ZFC3H1: variants seen among roughly 807,000 people sequenced by gnomAD.
The protein encoded by ZFC3H1 is zinc finger C3H1-type containing, also known as zinc finger C3H1 domain-containing protein.
In ZFC3H1, 71 loss-of-function variants were observed where a neutral mutation model predicts 243.7. The observed-to-expected ratio is 0.29, with a 90% confidence interval of 0.24 to 0.36. The LOEUF is 0.36. ZFC3H1 is among the 10% of genes least tolerant of loss of function. The pLI is 1.00. For missense variants in ZFC3H1, 1,966 were observed against 2,317.1 expected (o/e 0.85, Z 3.11); for synonymous variants, 838 against 813.0 (o/e 1.03, Z -0.52).
intron 1 of ZFC3H1, among the ~76,000 whole-genome samples, chr12:71,658,198 G>A (rs1343227477): frequency 6.7e-6 from 1 of 150,312 alleles, no homozygotes; most frequent in Non-Finnish European, 1.5e-5. Flanking sequence ...TCATACACGA[G>A]AATTGTTATA....
intron 6 of ZFC3H1, chr12:71,639,210 C>T (rs978308222): frequency 6.5e-6 from 1 of 152,934 alleles, no homozygotes; most frequent in Non-Finnish European, 1.5e-5. Context: ...CTACCCTACC[C>T]ACTAACTATA....
intron 20 of ZFC3H1, 46 bp downstream of exon 20, chr12:71,628,872 C>T: frequency 2.6e-6 from 4 of 1,533,740 alleles, no homozygotes; most frequent in Non-Finnish European, 3.5e-6. Flanking sequence ...AAAGATGGAA[C>T]ACCACAATTT....
chr12:71,663,830 C>A lies in ZFC3H1; in HGVS notation c.-220G>T. 1 of 586,986 alleles carries A rather than the reference C, an allele frequency of 1.7e-6. No homozygotes were observed. Among genetic ancestry groups the A allele is most frequent in the Non-Finnish European group, 3.0e-6 (1 of 334,494 alleles). 36.4% of individuals were successfully genotyped at this position (586,986 alleles called of 1,614,324 possible). ...TTCCCTTTCCTAGCGCCCCCTTGCT[C>A]CTCAGCGATCGGGGTTCTTCCGCCT... On this transcript the variant is annotated 5_prime_UTR_variant, in exon 1 of 35. Coordinates refer to ENST00000378743, the MANE Select transcript of ZFC3H1 (RefSeq NM_144982.5).
At chr12:71,631,590 A>T (rs1196186259) in intron 16 of ZFC3H1, among the ~76,000 whole-genome samples, 188 bp downstream of exon 16, 1 of 152,174 alleles carries the variant, frequency 6.6e-6, no homozygotes, top group Non-Finnish European at 1.5e-5. Flanking sequence ...ATACGAACTG[A>T]TAAATCCAAG....
intron 26 of ZFC3H1, 27 bp from the exon 27 acceptor site, chr12:71,619,436 T>C (rs1274310325): frequency 1.3e-6 from 2 of 1,592,618 alleles, no homozygotes; most frequent in Non-Finnish European, 1.7e-6. Context: ...GAGGGGGATA[T>C]ATATCAGGCT....
intron 26 of ZFC3H1, 131 bp from the exon 27 acceptor site, chr12:71,619,540 G>A (rs1879974180): frequency 6.5e-6 from 5 of 764,436 alleles, no homozygotes. Flanking sequence ...GGGCGGAGGG[G>A]ATAAGTTTGA....
chr12:71,615,690 G>C (rs1053033025), intron 27 of ZFC3H1, among the ~76,000 whole-genome samples: 1 of 151,950 alleles, frequency 6.6e-6, no homozygotes, highest in African/African-American at 2.4e-5. Context: ...GCTAATTTTT[G>C]TATTTGTAAT....
rs1254693882 is a variant in ZFC3H1, at chr12:71,637,014, A to G, written c.1771T>C (p.Ser591Pro). ...GGTAGAGGAGGTAGAGGTTCAAGAG[A>G]AACACACAAGCCTTCCACATAAGGC... ...SQPYVEGLCV[S>P]LEPLPPLPPL... is the part of the protein sequence containing the mutation. Residue 591 changes from serine (S) to proline (P), a missense_variant, in exon 8 of 35, where the codon TCT becomes CCT. Ser to Pro is a moderately conservative substitution (Grantham distance 74). Coordinates refer to ENST00000378743, the MANE Select transcript of ZFC3H1 (RefSeq NM_144982.5). 1 of 1,613,916 alleles carries G rather than the reference A, an allele frequency of 6.2e-7. No homozygotes were observed. Among genetic ancestry groups the G allele is most frequent in the African/African-American group, 1.3e-5 (1 of 74,894 alleles).
chr12:71,614,220 T>G (rs1592582184), intron 30 of ZFC3H1, among the ~76,000 whole-genome samples: 1 of 148,332 alleles, frequency 6.7e-6, no homozygotes, highest in East Asian at 1.9e-4. Context: ...ACATTACAGG[T>G]ATTACAATAG....
intron 2 of ZFC3H1, among the ~76,000 whole-genome samples, chr12:71,650,504 C>T (rs1880856681): frequency 1.3e-5 from 2 of 152,006 alleles, no homozygotes; most frequent in Admixed American, 6.5e-5. Flanking sequence ...AACTGAAAGT[C>T]TAATGTGAGC....
chr12:71,621,408 A>T (rs1195473998), intron 24 of ZFC3H1, among the ~76,000 whole-genome samples: 2 of 151,822 alleles, frequency 1.3e-5, no homozygotes, highest in Non-Finnish European at 2.9e-5. Flanking sequence ...GGTTCAGGCA[A>T]TTATCCTGCC....
At chr12:71,614,228 T>C (rs1003199950) in intron 30 of ZFC3H1, among the ~76,000 whole-genome samples, 1 of 152,168 alleles carries the variant, frequency 6.6e-6, no homozygotes, top group Admixed American at 6.5e-5. Context: ...GGTATTACAA[T>C]AGAATCTTTC....
intron 9 of ZFC3H1, among the ~76,000 whole-genome samples, chr12:71,636,171 A>T (rs2137539310): frequency 6.6e-6 from 1 of 152,242 alleles, no homozygotes; most frequent in Non-Finnish European, 1.5e-5. Flanking sequence ...TAAAATTTTG[A>T]CTCCAAAAAG....
At chr12:71,631,603 T>G (rs2137534572) in intron 16 of ZFC3H1, among the ~76,000 whole-genome samples, 175 bp downstream of exon 16, 1 of 152,004 alleles carries the variant, frequency 6.6e-6, no homozygotes, top group South Asian at 2.1e-4. Context: ...AATCCAAGAG[T>G]GTGGTTTGAG....
At chr12:71,613,567 T>A in intron 30 of ZFC3H1, 132 bp from the exon 31 acceptor site, 1 of 543,246 alleles carries the variant, frequency 1.8e-6, no homozygotes, top group Non-Finnish European at 3.2e-6. Flanking sequence ...TATGATGTTG[T>A]GAGTTACAGT....
In ZFC3H1 at chr12:71,620,117, C is replaced by T. The variant is rs1592585168; in HGVS notation, c.4858G>A (p.Ala1620Thr). The T allele has an allele frequency of 3.7e-6, 6 of 1,608,614 alleles. No individual in the cohort carries two copies. Among genetic ancestry groups the T allele is most frequent in the Non-Finnish European group, 5.1e-6 (6 of 1,178,496 alleles). Residue 1620 changes from alanine to threonine, a missense_variant, in exon 26 of 35, where the codon GCT becomes ACT. Coordinates refer to ENST00000378743, the MANE Select transcript of ZFC3H1 (RefSeq NM_144982.5). ...ALHQLLERYEAAMELCKSLLE... is the reference protein window; with the variant it reads ...ALHQLLERYETAMELCKSLLE... ...AAAGATTTACAAAGCTCCATTGCAGCCTCATACCTTAACAAAAAAGAAAAA... is the reference window on the plus strand; with the variant it reads ...AAAGATTTACAAAGCTCCATTGCAGTCTCATACCTTAACAAAAAAGAAAAA...
chr12:71,660,960 T>A (rs904193283), intron 1 of ZFC3H1, among the ~76,000 whole-genome samples: 8 of 151,484 alleles, frequency 5.3e-5, no homozygotes, highest in African/African-American at 1.9e-4. Context: ...AAAAAAAAAT[T>A]TTTTTAAATA....
At chr12:71,622,453 C>T (rs1039340260) in intron 24 of ZFC3H1, among the ~76,000 whole-genome samples, 14 of 151,986 alleles carry the variant, frequency 9.2e-5, no homozygotes, top group African/African-American at 3.4e-4. Flanking sequence ...ATCACAGATC[C>T]TAGTCTCTTT....
chr12:71,619,758 C>A (rs1162662139), intron 26 of ZFC3H1, among the ~76,000 whole-genome samples, 168 bp downstream of exon 26: 1 of 151,998 alleles, frequency 6.6e-6, no homozygotes, highest in Non-Finnish European at 1.5e-5. Flanking sequence ...ATTAAAGCAG[C>A]TAGGAATAAA....
Sources: gnomAD v4.1 joint callset for allele counts (sites outside exome capture counted in the v4.1 genomes callset) on GRCh38, gnomAD v4.1.1 for gene constraint, MANE v1.5 for transcripts, NCBI Gene and HGNC (gene_info 2026-07-23, HGNC 2026-07-21) for gene names.